GALNT13: variants seen among roughly 807,000 people sequenced by gnomAD.
The protein encoded by GALNT13 is polypeptide N-acetylgalactosaminyltransferase 13.
A neutral mutation model predicts 64.2 loss-of-function variants in GALNT13; 28 were observed. That is an observed-to-expected ratio of 0.44 (90% CI 0.32 to 0.60). The LOEUF (loss-of-function observed/expected upper bound fraction) is 0.60. GALNT13 is among the 20% of genes least tolerant of loss of function. GALNT13 has a pLI of 0.05. For synonymous variants in GALNT13, 214 were observed against 224.6 expected (o/e 0.95, Z 0.42); for missense variants, 577 against 669.8 (o/e 0.86, Z 1.53).
chr2:153,126,576 C>A, the GALNT13 span, among the ~76,000 whole-genome samples: 1 of 151,946 alleles, frequency 6.6e-6, no homozygotes, highest in South Asian at 2.1e-4. Context: ...CACGTCTTTC[C>A]ACTATGCCAC....
chr2:153,764,576 T>C, the GALNT13 span, among the ~76,000 whole-genome samples: 1 of 151,696 alleles, frequency 6.6e-6, no homozygotes, highest in African/African-American at 2.4e-5. Flanking sequence ...GTTGGAAAAA[T>C]TTGCAGCCTG....
intron 3 of GALNT13, among the ~76,000 whole-genome samples, chr2:153,996,737 T>C (rs146116440): frequency 6.6e-6 from 1 of 152,250 alleles, no homozygotes; most frequent in East Asian, 1.9e-4. Flanking sequence ...ATCTGAAAAA[T>C]TCTTCTTGAA....
At chr2:154,286,749 G>T in intron 8 of GALNT13, 2 of 324,608 alleles carry the variant, frequency 6.2e-6, no homozygotes, top group Admixed American at 3.9e-5. Context: ...TACAGGAAGG[G>T]ACTCACTTTC....
chr2:153,653,688 A>G, the GALNT13 span, among the ~76,000 whole-genome samples: 37,151 of 152,070 alleles, frequency 0.24, 5,827 homozygotes, highest in Middle Eastern at 0.46. Flanking sequence ...ATGAGTTCAT[A>G]ATAACATTTG....
intron 9 of GALNT13, among the ~76,000 whole-genome samples, chr2:154,321,869 C>T (rs1694640941): frequency 6.6e-6 from 1 of 152,006 alleles, no homozygotes; most frequent in African/African-American, 2.4e-5. Flanking sequence ...TAAAATGACA[C>T]ATTCATTTAT....
chr2:154,019,810 T>A (rs1256180431), intron 3 of GALNT13, among the ~76,000 whole-genome samples: 1 of 151,994 alleles, frequency 6.6e-6, no homozygotes, highest in Non-Finnish European at 1.5e-5. Context: ...ATTAACTCGT[T>A]ATCTAGCATT....
intron 4 of GALNT13, among the ~76,000 whole-genome samples, chr2:154,153,343 G>A (rs1313187675): frequency 1.3e-5 from 2 of 152,204 alleles, no homozygotes; most frequent in African/African-American, 4.8e-5. Context: ...CCCCTACTGG[G>A]GGGTGCCTCC....
chr2:153,479,866 C>T, the GALNT13 span, among the ~76,000 whole-genome samples: 1 of 152,164 alleles, frequency 6.6e-6, no homozygotes, highest in Non-Finnish European at 1.5e-5. Flanking sequence ...TTTCTTAACT[C>T]TGAAAGAATA....
the GALNT13 span, among the ~76,000 whole-genome samples, chr2:153,353,012 G>C: frequency 6.6e-6 from 1 of 152,012 alleles, no homozygotes; most frequent in South Asian, 2.1e-4. Flanking sequence ...ATTTTGATTG[G>C]GATGTATTGA....
intron 1 of GALNT13, among the ~76,000 whole-genome samples, chr2:153,893,665 A>G (rs1465173638): frequency 2.0e-5 from 3 of 151,966 alleles, no homozygotes; most frequent in African/African-American, 7.2e-5. Context: ...TGAAGATTAG[A>G]TTTTGGAATA....
chr2:153,102,383 G>A, the GALNT13 span, among the ~76,000 whole-genome samples: 1 of 151,712 alleles, frequency 6.6e-6, no homozygotes, highest in African/African-American at 2.4e-5. Flanking sequence ...TCATTTCAGT[G>A]GCTACATTGG....
At chr2:153,665,814 A>G in the GALNT13 span, among the ~76,000 whole-genome samples, 1 of 152,192 alleles carries the variant, frequency 6.6e-6, no homozygotes, top group African/African-American at 2.4e-5. Flanking sequence ...CACAACCTCC[A>G]TGGAAATTGG....
intron 9 of GALNT13, among the ~76,000 whole-genome samples, chr2:154,352,472 T>C (rs181364917): frequency 9.8e-5 from 15 of 152,342 alleles, no homozygotes; most frequent in African/African-American, 3.6e-4. Context: ...GTGCTGTTCA[T>C]GCATTGTCAC....
chr2:153,329,205 G>A, the GALNT13 span, among the ~76,000 whole-genome samples: 1 of 152,098 alleles, frequency 6.6e-6, no homozygotes, highest in Non-Finnish European at 1.5e-5. Context: ...CCCACCTTCT[G>A]CATTGGTCTT....
chr2:153,321,906 A>G, the GALNT13 span, among the ~76,000 whole-genome samples: 1 of 152,114 alleles, frequency 6.6e-6, no homozygotes, highest in Non-Finnish European at 1.5e-5. Context: ...ATGAGGAAAA[A>G]GAGTCAAGTG....
At chr2:153,970,308 T>G (rs537251692) in intron 3 of GALNT13, among the ~76,000 whole-genome samples, 15 of 152,192 alleles carry the variant, frequency 9.9e-5, no homozygotes, top group Non-Finnish European at 2.2e-4. Flanking sequence ...CAATAACATC[T>G]GAAACAGTTC....
At chr2:153,962,291 G>C (rs967723698) in intron 3 of GALNT13, among the ~76,000 whole-genome samples, 1 of 152,160 alleles carries the variant, frequency 6.6e-6, no homozygotes, top group African/African-American at 2.4e-5. Flanking sequence ...TTACATTGTA[G>C]TAGTCAATAA....
intron 11 of GALNT13, among the ~76,000 whole-genome samples, chr2:154,426,046 C>T (rs974801158): frequency 1.3e-5 from 2 of 152,184 alleles, no homozygotes; most frequent in East Asian, 1.9e-4. Context: ...AATTCAGGCA[C>T]AATGTGGCTG....
At chr2:154,033,798 G>A (rs1698489463) in intron 3 of GALNT13, among the ~76,000 whole-genome samples, 1 of 152,070 alleles carries the variant, frequency 6.6e-6, no homozygotes, top group Non-Finnish European at 1.5e-5. Flanking sequence ...AATTAGCCAG[G>A]CATGGTGGCA....
Sources: gnomAD v4.1 joint callset for allele counts (sites outside exome capture counted in the v4.1 genomes callset) on GRCh38, gnomAD v4.1.1 for gene constraint, MANE v1.5 for transcripts, NCBI Gene and HGNC (gene_info 2026-07-23, HGNC 2026-07-21) for gene names.